DNAAF6: variants seen among roughly 807,000 people sequenced by gnomAD.
The protein encoded by DNAAF6 is dynein axonemal assembly factor 6.
DNAAF6 carries 3 observed loss-of-function variants against 13.7 expected under a neutral mutation model. The ratio of observed to expected loss-of-function variants is 0.22; its 90% CI spans 0.10 to 0.56. The LOEUF is 0.56. DNAAF6 is among the 20% of genes least tolerant of loss of function. DNAAF6 has a pLI of 0.92. For missense variants in DNAAF6, 130 were observed against 151.0 expected, an observed-to-expected ratio of 0.86 and a Z score of 0.73; for synonymous variants, 54 against 49.2, an observed-to-expected ratio of 1.10 and a Z score of -0.41.
At chrX:107,239,153 A>G in intron 6 of DNAAF6, 146 bp downstream of exon 6, 4 of 900,346 alleles carry the variant, frequency 4.4e-6, no homozygotes, top group Admixed American at 1.0e-4. Flanking sequence ...TTTGATCTAC[A>G]TTAATATAAA....
At chrX:107,214,161 G>C (rs1927923506) in intron 2 of DNAAF6, among the ~76,000 whole-genome samples, 1 of 111,627 alleles carries the variant, frequency 9.0e-6, no homozygotes, top group Admixed American at 9.6e-5. Context: ...TCTTAGTAGA[G>C]GCTAAACAAA....
At chrX:107,218,839 AG>A in intron 3 of DNAAF6, 24 bp from the exon 4 acceptor site, 2 of 1,168,163 alleles carry the variant, frequency 1.7e-6, no homozygotes, top group Non-Finnish European at 2.3e-6. Context: ...CATGAGCTTC[AG>A]CTTTATCTTC....
intron 4 of DNAAF6, among the ~76,000 whole-genome samples, chrX:107,221,010 C>T (rs1928123639): frequency 9.4e-6 from 1 of 106,803 alleles, no homozygotes; most frequent in African/African-American, 3.4e-5. Context: ...CTTGCTCTGT[C>T]GCTCAGGCTG....
intron 4 of DNAAF6, among the ~76,000 whole-genome samples, chrX:107,219,368 G>A (rs138918555): frequency 0.013 from 1,496 of 110,920 alleles, 10 homozygotes; most frequent in Middle Eastern, 0.023. Flanking sequence ...CCACAATTTC[G>A]GTAAAAGGCT....
At position 107,215,146 on chromosome X, in the gene DNAAF6, T is replaced by C. The variant is rs180845098; in HGVS notation, c.154-1525T>C. 5.9e-3 allele frequency among the ~76,000 whole-genome samples: 657 copies of C among 112,240 alleles called. 6 individuals are homozygous for C. Among genetic ancestry groups the C allele is most frequent in the African/African-American group, 0.02 (627 of 30,971 alleles). The stretch of plus-strand genomic sequence containing the variant: ...AAAACAATTGCCAGATGGTTTTTAA[T>C]GTTTTTATGATCCCATTCCATCTTT... On this transcript the variant is annotated intron_variant, in intron 2 of 6. Transcript: ENST00000372453.
intron 5 of DNAAF6, among the ~76,000 whole-genome samples, chrX:107,237,767 A>C (rs909618603): frequency 8.9e-6 from 1 of 112,033 alleles, no homozygotes; most frequent in Non-Finnish European, 1.9e-5. Flanking sequence ...GCAGATCACA[A>C]GGTCAGGAGA....
chrX:107,218,000 G>A (rs2053020758), intron 3 of DNAAF6, among the ~76,000 whole-genome samples: 1 of 112,391 alleles, frequency 8.9e-6, no homozygotes, highest in Admixed American at 9.4e-5. Context: ...ATATAAATCT[G>A]TAGTTAGGCT....
At chrX:107,217,119 A>G (rs939363975) in intron 3 of DNAAF6, among the ~76,000 whole-genome samples, 1 of 112,020 alleles carries the variant, frequency 8.9e-6, no homozygotes, top group African/African-American at 3.2e-5. Flanking sequence ...ATAGCCATTT[A>G]CATATAAAGA....
chrX:107,209,438 T>C (rs940041057), intron 1 of DNAAF6, among the ~76,000 whole-genome samples: 1 of 111,433 alleles, frequency 9.0e-6, no homozygotes, highest in African/African-American at 3.3e-5. Flanking sequence ...TTGGTGACTT[T>C]TTTTGGGGGG....
intron 4 of DNAAF6, among the ~76,000 whole-genome samples, chrX:107,219,348 A>T (rs1009257542): frequency 9.0e-6 from 1 of 111,704 alleles, no homozygotes; most frequent in Non-Finnish European, 1.9e-5. Flanking sequence ...GCTTTTAATT[A>T]CTCAATGTTC....
At chrX:107,216,457 G>T (rs1927986624) in intron 2 of DNAAF6, among the ~76,000 whole-genome samples, 1 of 111,859 alleles carries the variant, frequency 8.9e-6, no homozygotes, top group South Asian at 3.8e-4. Context: ...CTGCTCTTGA[G>T]TCTATTAAAC....
At chrX:107,219,800 ATTTTTTT>A (rs546631583) in intron 4 of DNAAF6, among the ~76,000 whole-genome samples, 1 of 99,360 alleles carries the variant, frequency 1.0e-5, no homozygotes, top group African/African-American at 3.7e-5. Context: ...ACTATCCAGT[ATTTTTTT>A]TTTTTTTTAG....
intron 3 of DNAAF6, among the ~76,000 whole-genome samples, chrX:107,218,577 T>A (rs1164945992): frequency 2.7e-5 from 3 of 110,859 alleles, no homozygotes; most frequent in African/African-American, 9.8e-5. Context: ...AATACTAACA[T>A]TGATTATCTC....
At chrX:107,211,846 AATG>A (rs1272949185) in intron 1 of DNAAF6, among the ~76,000 whole-genome samples, 7 of 111,297 alleles carry the variant, frequency 6.3e-5, no homozygotes, top group Non-Finnish European at 1.1e-4. Context: ...ATGATACCAT[AATG>A]ATACCATAAT....
intron 2 of DNAAF6, 79 bp downstream of exon 2, chrX:107,213,107 T>C (rs1234120532): frequency 1.0e-6 from 1 of 981,660 alleles, no homozygotes; most frequent in Non-Finnish European, 1.4e-6. Flanking sequence ...TGTTCCCACC[T>C]AGCTGTGGGA....
At chrX:107,229,779 CCGG>C (rs1928343221) in intron 5 of DNAAF6, among the ~76,000 whole-genome samples, 1 of 111,121 alleles carries the variant, frequency 9.0e-6, no homozygotes, top group Non-Finnish European at 1.9e-5. Flanking sequence ...GCTCCACTTC[CCGG>C]GTTCACACCA....
chrX:107,235,572 G>A (rs1247713610), intron 5 of DNAAF6, among the ~76,000 whole-genome samples: 2 of 111,028 alleles, frequency 1.8e-5, no homozygotes, highest in African/African-American at 6.6e-5. Flanking sequence ...AGCTGAGGCC[G>A]CTTACAAACA....
At position 107,216,564 on chromosome X, in the gene DNAAF6, G is replaced by T. The variant is rs1004210836; in HGVS notation, c.154-107G>T. 8.6e-6 allele frequency: 4 copies of T among 466,637 alleles called. No individual in the cohort carries two copies. In the African/African-American group the frequency reaches 1.0e-4, roughly 12 times the overall value. 38.5% of individuals were successfully genotyped at this position (466,637 alleles called of 1,213,427 possible). A position where few individuals can be genotyped will look rare whatever the true frequency, so the allele number is the denominator to read the frequency against. Reference sequence around the variant, plus strand: ...CAATGATGGGTAATTAAAGTGGAAAGCTCCATGAGTTTTTTTATGGAAATC... The same window carrying T: ...CAATGATGGGTAATTAAAGTGGAAATCTCCATGAGTTTTTTTATGGAAATC... On this transcript the variant is annotated intron_variant, in intron 2 of 6. Transcript: ENST00000372453.
chrX:107,222,883 G>T (rs751102925), intron 5 of DNAAF6, 42 bp downstream of exon 5: 1 of 1,170,277 alleles, frequency 8.5e-7, no homozygotes, highest in Non-Finnish European at 1.1e-6. Context: ...TACAACCATT[G>T]TAGCTAAATT....
Sources: allele counts gnomAD v4.1 joint callset (sites outside exome capture counted in the v4.1 genomes callset), GRCh38; gene constraint gnomAD v4.1.1; transcripts MANE v1.5; gene names NCBI Gene and HGNC (gene_info 2026-07-23, HGNC 2026-07-21).